PLEKHG7: variants seen among roughly 807,000 people sequenced by gnomAD.
PLEKHG7 encodes the protein pleckstrin homology domain-containing family G member 7.
PLEKHG7 carries 77 observed loss-of-function variants against 85.2 expected under a neutral mutation model. That is an observed-to-expected ratio of 0.90 (90% CI 0.75 to 1.09). The LOEUF is 1.09. Ranked by LOEUF, PLEKHG7 falls within the 50% of genes least tolerant of loss-of-function variation. The pLI, the probability that PLEKHG7 is intolerant of heterozygous loss-of-function variation, is 0.00. For missense variants in PLEKHG7, 777 were observed against 804.3 expected (o/e 0.97, Z 0.41); for synonymous variants, 301 against 302.4 (o/e 1.00, Z 0.05).
chr12:92,726,833 A>C (rs1179892994), intron 3 of PLEKHG7, among the ~76,000 whole-genome samples: 1 of 152,152 alleles, frequency 6.6e-6, no homozygotes, highest in African/African-American at 2.4e-5. Context: ...CTTTTCTAAC[A>C]CTATTTCTCA....
rs1446100573 is a variant in PLEKHG7 at position 92,771,542 on chromosome 12, G to C, written c.*1347G>C. ...ATTGTTAATAGCTAAGAATAAATGA[G>C]GTGGAGGGGAGAAAAAGGGGAGAAT... is the stretch of plus-strand genomic sequence containing the variant. On this transcript the variant is annotated 3_prime_UTR_variant, in exon 17 of 17. Coordinates refer to ENST00000344636, the MANE Select transcript of PLEKHG7 (RefSeq NM_001377329.1). 6.6e-6 allele frequency: 1 copy of C among 152,030 alleles called. No individual in the cohort carries two copies. The highest frequency in any genetic ancestry group is 1.5e-5 in the Non-Finnish European group (1 of 67,946). The allele number at this position is 152,030 out of a possible 1,614,324, so 9.4% of individuals were successfully genotyped here. A position where few individuals can be genotyped will look rare whatever the true frequency, so the allele number is the denominator to read the frequency against.
chr12:92,764,054 C>T lies in PLEKHG7; in HGVS notation c.1730C>T (p.Ser577Leu). 6.2e-7 allele frequency: 1 copy of T among 1,604,300 alleles called. No homozygotes were observed. The highest frequency in any genetic ancestry group is 8.5e-7 in the Non-Finnish European group (1 of 1,175,258). The change falls in exon 15 of 17, where the codon TCA becomes TTA. Residue 577 changes from serine (S) to leucine (L), a missense_variant. Physicochemically the swap from Ser to Leu is moderately radical, Grantham distance 145 (BLOSUM62 -2). This residue lies in a region of PLEKHG7 where 520 missense variants were observed against 544.0 expected (regional missense o/e 0.96). Coordinates refer to ENST00000344636, the MANE Select transcript of PLEKHG7 (RefSeq NM_001377329.1). ...TKCNKKKLGGSDPGLMCPSLT... is the reference protein window; with the variant it reads ...TKCNKKKLGGLDPGLMCPSLT... The stretch of plus-strand genomic sequence containing the variant: ...TGTTAATTTCAGAAACTTGGAGGCT[C>T]AGACCCTGGTTTAATGTGTCCTTCT...
At chr12:92,715,256 G>A (rs778847440) in intron 3 of PLEKHG7, among the ~76,000 whole-genome samples, 3 of 152,192 alleles carry the variant, frequency 2.0e-5, no homozygotes, top group Middle Eastern at 3.4e-3. Context: ...AGATCTTCAC[G>A]TTTTTCTGCC....
intron 3 of PLEKHG7, 48 bp downstream of exon 3, chr12:92,707,720 T>C (rs752293690): frequency 6.2e-7 from 1 of 1,612,962 alleles, no homozygotes; most frequent in Admixed American, 1.7e-5. Context: ...TGTTGACTAT[T>C]TACTATTAGA....
At chr12:92,723,240 A>T (rs1364524632) in intron 3 of PLEKHG7, among the ~76,000 whole-genome samples, 1 of 152,208 alleles carries the variant, frequency 6.6e-6, no homozygotes, top group African/African-American at 2.4e-5. Context: ...GGATTGGGTT[A>T]TTGTTCCATT....
Position 92,745,519 on chromosome 12 carries a change from C to T in PLEKHG7, c.1179C>T (p.Cys393=), listed in dbSNP as rs1872510610. The change falls in exon 10 of 17, where the codon TGC becomes TGT. Residue 393 remains cysteine (C), a synonymous_variant. Transcript: ENST00000344636. The part of the protein sequence containing the change: ...GSLCQSHQTY[C]LNYSAAIFYL... ...TCTGTCAGAGCCACCAGACCTACTG[C>T]CTGAACTATTCAGCTGCTATCTTTT... 6.2e-7 allele frequency: 1 copy of T among 1,613,896 alleles called. No homozygotes were observed. The highest frequency in any genetic ancestry group is 1.7e-5 in the Admixed American group (1 of 60,010).
intron 3 of PLEKHG7, among the ~76,000 whole-genome samples, chr12:92,722,051 A>G (rs1871664359): frequency 6.6e-6 from 1 of 150,886 alleles, no homozygotes; most frequent in African/African-American, 2.5e-5. Context: ...ATCCTGCATG[A>G]ATGCCACATT....
chr12:92,716,095 TGTTTTGTTTTG>T (rs1871483498), intron 3 of PLEKHG7, among the ~76,000 whole-genome samples: 1 of 149,996 alleles, frequency 6.7e-6, no homozygotes, highest in Non-Finnish European at 1.5e-5. Flanking sequence ...TGTTTTGTTT[TGTTTTGTTTTG>T]TTTTTTTTGA....
In PLEKHG7 at chr12:92,722,232, G is replaced by A. The variant is rs11615680; in HGVS notation, c.531-6761G>A. On this transcript the variant is annotated intron_variant, in intron 3 of 16. Coordinates refer to ENST00000344636, the MANE Select transcript of PLEKHG7 (RefSeq NM_001377329.1). ...GAGCAACCCCAGCTGACACAGACCC[G>A]GGTCTTTTCTAGAGTGCCCAGAAAT... Among the ~76,000 whole-genome samples the A allele has an allele frequency of 2.0e-5, 3 of 152,008 alleles. No homozygotes were observed. The East Asian group carries it at 5.8e-4, about 29-fold the overall frequency.
intron 3 of PLEKHG7, among the ~76,000 whole-genome samples, chr12:92,724,615 A>G (rs1871745008): frequency 6.6e-6 from 1 of 152,168 alleles, no homozygotes; most frequent in South Asian, 2.1e-4. Flanking sequence ...CTGTTTTTCT[A>G]TTCTGCTGTT....
At chr12:92,711,548 G>A (rs1012137265) in intron 3 of PLEKHG7, among the ~76,000 whole-genome samples, 7 of 151,648 alleles carry the variant, frequency 4.6e-5, no homozygotes, top group South Asian at 2.1e-4. Flanking sequence ...AGTTCAGGTC[G>A]CATGGTGACT....
chr12:92,721,957 A>T (rs1871661366), intron 3 of PLEKHG7, among the ~76,000 whole-genome samples: 1 of 151,802 alleles, frequency 6.6e-6, no homozygotes, highest in South Asian at 2.1e-4. Flanking sequence ...CACAGACACC[A>T]CTTTGCTTAG....
At chr12:92,754,359 G>T in intron 11 of PLEKHG7, 95 bp downstream of exon 11, 1 of 1,217,898 alleles carries the variant, frequency 8.2e-7, no homozygotes, top group Admixed American at 2.0e-5. Flanking sequence ...TAATTCCACT[G>T]ATTTGAGGTC....
chr12:92,717,292 G>C (rs1275981757), intron 3 of PLEKHG7, among the ~76,000 whole-genome samples: 2 of 152,192 alleles, frequency 1.3e-5, no homozygotes, highest in Non-Finnish European at 2.9e-5. Context: ...AGTTTGTCTT[G>C]AGGAAAAAAC....
At chr12:92,732,042 A>G (rs1361808276) in intron 4 of PLEKHG7, among the ~76,000 whole-genome samples, 191 bp from the exon 5 acceptor site, 2 of 152,230 alleles carry the variant, frequency 1.3e-5, no homozygotes, top group Admixed American at 6.5e-5. Flanking sequence ...TTTAGGTTGC[A>G]ACATTGTTTC....
intron 3 of PLEKHG7, among the ~76,000 whole-genome samples, chr12:92,710,545 G>A (rs1416963710): frequency 6.6e-6 from 1 of 152,176 alleles, no homozygotes; most frequent in African/African-American, 2.4e-5. Flanking sequence ...CCCATATTCG[G>A]AGTAAGTATC....
intron 3 of PLEKHG7, among the ~76,000 whole-genome samples, chr12:92,714,532 A>G (rs1284678919): frequency 6.6e-6 from 1 of 152,060 alleles, no homozygotes; most frequent in Admixed American, 6.5e-5. Flanking sequence ...TTTTTCAACA[A>G]TTTCAGCTCT....
At chr12:92,768,542 G>A (rs1178939874) in intron 15 of PLEKHG7, among the ~76,000 whole-genome samples, 3 of 152,120 alleles carry the variant, frequency 2.0e-5, no homozygotes, top group African/African-American at 7.2e-5. Flanking sequence ...ATAAACCTTG[G>A]TTGGATGTGA....
In PLEKHG7 at chr12:92,706,909, A is replaced by T. The variant is rs1871248910; in HGVS notation, c.278A>T (p.Lys93Met). ...YLSKSLPGSP[K>M]DSSHLLSPLR... ...TCGAAGAGCCTGCCAGGAAGCCCAA[A>T]GGATTCTTCACACTTGCTGTCACCC... is the stretch of plus-strand genomic sequence containing the variant. The change falls in exon 2 of 17, where the codon AAG becomes ATG. Residue 93 changes from lysine to methionine, a missense_variant. This residue lies in a region of PLEKHG7 where 252 missense variants were observed against 241.9 expected (regional missense o/e 1.04). Transcript: ENST00000344636. The T allele has an allele frequency of 6.2e-7, 1 of 1,613,996 alleles. No homozygotes were observed. The highest frequency in any genetic ancestry group is 1.1e-5 in the South Asian group (1 of 91,088).
Sources: gnomAD v4.1 joint callset for allele counts (sites outside exome capture counted in the v4.1 genomes callset) on GRCh38, gnomAD v4.1.1 for gene constraint, gnomAD v4.1.1 regional missense constraint, MANE v1.5 for transcripts, NCBI Gene and HGNC (gene_info 2026-07-23, HGNC 2026-07-21) for gene names.